DOK6: variants seen among roughly 807,000 people sequenced by gnomAD.
The protein encoded by DOK6 is docking protein 6.
In DOK6, 22 loss-of-function variants were observed where a neutral mutation model predicts 44.0. The ratio of observed to expected loss-of-function variants is 0.50; its 90% CI spans 0.36 to 0.71. The LOEUF (loss-of-function observed/expected upper bound fraction) is 0.71. DOK6 is among the 30% of genes least tolerant of loss of function. The pLI is 0.00. For synonymous variants in DOK6, 166 were observed against 145.5 expected (o/e 1.14, Z -1.01); for missense variants, 340 against 416.4 (o/e 0.82, Z 1.60).
chr18:69,650,318 G>C (rs908419296), intron 3 of DOK6, among the ~76,000 whole-genome samples: 1 of 152,238 alleles, frequency 6.6e-6, no homozygotes, highest in African/African-American at 2.4e-5. Flanking sequence ...CTCTGAGCTG[G>C]AAGTCATCCA....
chr18:69,564,579 C>G lies in DOK6; in HGVS notation c.159C>G (p.Phe53Leu). 2.5e-6 allele frequency: 4 copies of G among 1,613,184 alleles called. No homozygotes were observed. The highest frequency in any genetic ancestry group is 3.4e-6 in the Non-Finnish European group (4 of 1,179,672). The change falls in exon 2 of 8, where the codon TTC becomes TTG. Residue 53 changes from phenylalanine to leucine, a missense_variant. By Grantham distance (22) the Phe-to-Leu change is conservative (BLOSUM62 0). Transcript: ENST00000382713. ...TTCCAGATGAAAAGGCAGCTTATTT[C>G]AGAAACTTTCATAAGGTAAGTCACA... ...EKFPDEKAAYFRNFHKVTELH... is the reference protein window; with the variant it reads ...EKFPDEKAAYLRNFHKVTELH...
intron 3 of DOK6, among the ~76,000 whole-genome samples, chr18:69,607,222 C>A (rs1350187072): frequency 1.3e-5 from 2 of 152,200 alleles, no homozygotes; most frequent in African/African-American, 4.8e-5. Flanking sequence ...GGGGAGTGAG[C>A]AGTTTCCTGG....
chr18:69,616,446 C>A (rs189342464), intron 3 of DOK6, among the ~76,000 whole-genome samples: 63 of 29,104 alleles, frequency 2.2e-3, no homozygotes, highest in African/African-American at 6.4e-3. Context: ...CTAAGGTCAA[C>A]CAAGCTCCAG....
At chr18:69,823,282 A>G (rs1981629710) in intron 7 of DOK6, among the ~76,000 whole-genome samples, 1 of 152,234 alleles carries the variant, frequency 6.6e-6, no homozygotes, top group Non-Finnish European at 1.5e-5. Flanking sequence ...GAGATGAAAT[A>G]GAGGTATGCA....
intron 2 of DOK6, among the ~76,000 whole-genome samples, chr18:69,580,757 C>G (rs1176938515): frequency 6.6e-6 from 1 of 152,092 alleles, no homozygotes; most frequent in South Asian, 2.1e-4. Context: ...CTTATGGTGC[C>G]AGAACACTAG....
intron 1 of DOK6, among the ~76,000 whole-genome samples, chr18:69,506,386 C>CTCATGTCT (rs1477161923): frequency 6.6e-6 from 1 of 152,108 alleles, no homozygotes; most frequent in East Asian, 1.9e-4. Flanking sequence ...CACAAATTTC[C>CTCATGTCT]TTATGTCTTT....
chr18:69,695,006 G>C (rs547139785), intron 4 of DOK6, among the ~76,000 whole-genome samples: 8 of 152,224 alleles, frequency 5.3e-5, no homozygotes, highest in Non-Finnish European at 7.4e-5. Context: ...AGTTGAGATG[G>C]GATTAATTTA....
chr18:69,596,434 T>C (rs1983741963), intron 2 of DOK6, among the ~76,000 whole-genome samples: 1 of 152,112 alleles, frequency 6.6e-6, no homozygotes, highest in African/African-American at 2.4e-5. Flanking sequence ...AGGAATGTCA[T>C]AGTAAAAATA....
intron 1 of DOK6, among the ~76,000 whole-genome samples, chr18:69,445,347 G>T (rs961872591): frequency 6.6e-6 from 1 of 152,174 alleles, no homozygotes; most frequent in African/African-American, 2.4e-5. Context: ...TGGCTAAAGT[G>T]TTCATCCTTT....
At chr18:69,786,771 TGACATTTTGCA>T (rs1980442604) in intron 7 of DOK6, among the ~76,000 whole-genome samples, 1 of 152,224 alleles carries the variant, frequency 6.6e-6, no homozygotes, top group Non-Finnish European at 1.5e-5. Context: ...CAGTAAACTT[TGACATTTTGCA>T]GACATTTTGT....
chr18:69,754,805 A>T (rs917720998), intron 6 of DOK6, among the ~76,000 whole-genome samples: 4 of 152,214 alleles, frequency 2.6e-5, no homozygotes, highest in Admixed American at 1.3e-4. Flanking sequence ...CTTAACCTTC[A>T]TTAAGCTCTT....
chr18:69,599,383 G>C lies in DOK6; in HGVS notation c.175-1G>C. On this transcript the variant is annotated splice_acceptor_variant, in intron 2 of 7. Transcript: ENST00000382713. LOFTEE classifies it high-confidence loss of function. ...AAGTTAAATATATTTTTTCTTTCAA[G>C]GTAACTGAACTGCACAATATCAAAA... 1 of 1,605,526 alleles carries C rather than the reference G, an allele frequency of 6.2e-7. No homozygotes were observed. Among genetic ancestry groups the C allele is most frequent in the Non-Finnish European group, 8.5e-7 (1 of 1,176,878 alleles).
chr18:69,401,378 G>GC lies in DOK6; in HGVS notation c.66+68_66+69insC, dbSNP rs1916096316. On this transcript the variant is annotated intron_variant, in intron 1 of 7. Transcript: ENST00000382713. Reference sequence around the variant, plus strand: ...GGCCCGGCTGGCTGCCTGGGGGGGGGGCAGGGAGAGGTGACCCGTGCGGGT... The same window carrying GC: ...GGCCCGGCTGGCTGCCTGGGGGGGGGCGCAGGGAGAGGTGACCCGTGCGGGT... 24 of 1,412,412 alleles carry GC rather than the reference G, an allele frequency of 1.7e-5. No individual in the cohort carries two copies. The South Asian group carries it at 3.1e-4, about 18-fold the overall frequency. The allele number at this position is 1,412,412 out of a possible 1,614,324, so 87.5% of individuals were successfully genotyped here. A position where few individuals can be genotyped will look rare whatever the true frequency, so the allele number is the denominator to read the frequency against.
chr18:69,751,023 T>C (rs12608320), intron 6 of DOK6, among the ~76,000 whole-genome samples: 1 of 151,922 alleles, frequency 6.6e-6, no homozygotes, highest in African/African-American at 2.4e-5. Flanking sequence ...ACAAATACCA[T>C]GTATTCTCAC....
chr18:69,456,183 CT>C (rs988100884), intron 1 of DOK6, among the ~76,000 whole-genome samples: 1 of 152,098 alleles, frequency 6.6e-6, no homozygotes, highest in East Asian at 1.9e-4. Context: ...AAAATTAAGC[CT>C]TTTTTTCCTA....
chr18:69,557,311 A>G (rs1484329584), intron 1 of DOK6, among the ~76,000 whole-genome samples: 1 of 152,186 alleles, frequency 6.6e-6, no homozygotes, highest in Non-Finnish European at 1.5e-5. Context: ...GCTTGTGATA[A>G]AACAGGCCCA....
chr18:69,838,058 G>C (rs557607983), intron 7 of DOK6, among the ~76,000 whole-genome samples: 1 of 151,984 alleles, frequency 6.6e-6, no homozygotes, highest in African/African-American at 2.4e-5. Context: ...TTAATCGCAT[G>C]ATTGACTTTT....
At chr18:69,787,370 T>C (rs1205277686) in intron 7 of DOK6, among the ~76,000 whole-genome samples, 2 of 152,222 alleles carry the variant, frequency 1.3e-5, no homozygotes, top group Non-Finnish European at 2.9e-5. Context: ...TACAGTGTGT[T>C]AACTTTATTT....
intron 1 of DOK6, among the ~76,000 whole-genome samples, chr18:69,529,457 T>A (rs1471076391): frequency 6.6e-6 from 1 of 152,172 alleles, no homozygotes; most frequent in East Asian, 1.9e-4. Flanking sequence ...TCCGCAATCT[T>A]TATTTATTTG....
Sources: allele counts gnomAD v4.1 joint callset (sites outside exome capture counted in the v4.1 genomes callset), GRCh38; gene constraint gnomAD v4.1.1; transcripts MANE v1.5; gene names NCBI Gene and HGNC (gene_info 2026-07-23, HGNC 2026-07-21).